PPP3CC: variants seen among roughly 807,000 people sequenced by gnomAD.
The protein encoded by PPP3CC is protein phosphatase 3 catalytic subunit gamma, also known as serine/threonine-protein phosphatase 2B catalytic subunit gamma isoform.
PPP3CC carries 35 observed loss-of-function variants against 60.3 expected under a neutral mutation model. The ratio of observed to expected loss-of-function variants is 0.58; its 90% CI spans 0.44 to 0.77. The LOEUF (loss-of-function observed/expected upper bound fraction) is 0.77, where lower values mean the gene tolerates loss of function less well. PPP3CC is among the 30% of genes least tolerant of loss of function. The probability of loss-of-function intolerance (pLI) is 0.00; values close to 1 mark genes in which losing one functional copy is unlikely to be tolerated. For missense variants in PPP3CC, 570 were observed against 628.9 expected (o/e 0.91, Z 1.00); for synonymous variants, 206 against 224.3 (o/e 0.92, Z 0.73).
chr8:22,537,815 T>C (rs1839876825), intron 12 of PPP3CC, among the ~76,000 whole-genome samples: 1 of 152,200 alleles, frequency 6.6e-6, no homozygotes. Context: ...ACATATTATA[T>C]GATGCCACTC....
chr8:22,486,666 GA>G (rs775758939), intron 3 of PPP3CC, among the ~76,000 whole-genome samples: 91 of 152,010 alleles, frequency 6.0e-4, no homozygotes, highest in Middle Eastern at 3.4e-3. Flanking sequence ...GTTTCTTGGT[GA>G]AGATGTTGAA....
chr8:22,474,939 A>G lies in PPP3CC; in HGVS notation c.50-15A>G, dbSNP rs1455710652. 1.4e-6 allele frequency: 2 copies of G among 1,433,276 alleles called. No individual in the cohort carries two copies. The highest frequency in any genetic ancestry group is 5.0e-5 in the East Asian group (2 of 40,376). 88.8% of individuals were successfully genotyped at this position (1,433,276 alleles called of 1,614,324 possible). ...CATTTAAATATTTTAAATTATTATT[A>G]TTATTTTTTTGTAGCTGTCCCCTTT... On this transcript the variant is annotated splice_polypyrimidine_tract_variant and intron_variant, in intron 1 of 13. Coordinates refer to ENST00000240139, the MANE Select transcript of PPP3CC (RefSeq NM_005605.5).
rs1358210307 is a variant in PPP3CC at position 22,475,643 on chromosome 8, A to G, written c.372+19A>G. The G allele has an allele frequency of 1.9e-6, 3 of 1,602,436 alleles. No individual in the cohort carries two copies. Among genetic ancestry groups the G allele is most frequent in the Admixed American group, 1.7e-5 (1 of 58,656 alleles). The stretch of plus-strand genomic sequence containing the variant: ...TATAGAGGTAAAAATTAAACTGGAT[A>G]TGTTGGGACTATTATATTGTCTTTC... On this transcript the variant is annotated intron_variant, in intron 3 of 13. Transcript: ENST00000240139.
chr8:22,506,778 A>G (rs773352781), intron 4 of PPP3CC, among the ~76,000 whole-genome samples: 3 of 151,714 alleles, frequency 2.0e-5, no homozygotes, highest in Non-Finnish European at 4.4e-5. Context: ...CGTCTCTACT[A>G]AAAATAAAAA....
chr8:22,503,937 A>C (rs1357290405), intron 4 of PPP3CC, among the ~76,000 whole-genome samples: 1 of 152,184 alleles, frequency 6.6e-6, no homozygotes, highest in African/African-American at 2.4e-5. Context: ...TTTTACTGAT[A>C]AGCTGATCTC....
At chr8:22,510,230 C>G (rs1839046979) in intron 4 of PPP3CC, among the ~76,000 whole-genome samples, 1 of 149,666 alleles carries the variant, frequency 6.7e-6, no homozygotes, top group Non-Finnish European at 1.5e-5. Flanking sequence ...CCAGGCTGGT[C>G]TCAAACTCCT....
intron 6 of PPP3CC, among the ~76,000 whole-genome samples, chr8:22,519,748 G>A (rs377597344): frequency 1.3e-3 from 204 of 152,208 alleles, no homozygotes; most frequent in African/African-American, 4.4e-3. Flanking sequence ...TCTGCCTCCC[G>A]GGTTCAAGTG....
intron 1 of PPP3CC, among the ~76,000 whole-genome samples, chr8:22,452,018 G>GTTT (rs1376787851): frequency 9.1e-5 from 8 of 88,272 alleles, no homozygotes; most frequent in African/African-American, 4.7e-4. Context: ...TGTGCATAAT[G>GTTT]GTTTTTTTTT....
intron 1 of PPP3CC, among the ~76,000 whole-genome samples, chr8:22,468,053 T>C (rs1251601825): frequency 6.6e-6 from 1 of 152,182 alleles, no homozygotes; most frequent in Non-Finnish European, 1.5e-5. Flanking sequence ...TTTTGGAACA[T>C]TCAAATCATA....
chr8:22,539,365 A>T, intron 12 of PPP3CC, 104 bp from the exon 13 acceptor site: 7 of 1,241,984 alleles, frequency 5.6e-6, no homozygotes, highest in Non-Finnish European at 8.0e-6. Flanking sequence ...GGGATAGGCT[A>T]AAAAACGGGC....
chr8:22,491,890 A>T (rs974702332), intron 3 of PPP3CC, among the ~76,000 whole-genome samples: 1 of 152,182 alleles, frequency 6.6e-6, no homozygotes, highest in African/African-American at 2.4e-5. Flanking sequence ...TATATTCTCT[A>T]CTTGTTGAGC....
chr8:22,532,825 C>A, intron 11 of PPP3CC, 96 bp from the exon 12 acceptor site: 1 of 772,014 alleles, frequency 1.3e-6, no homozygotes, highest in Non-Finnish European at 2.0e-6. Flanking sequence ...AACCTATCTT[C>A]CATCTCTGCT....
intron 4 of PPP3CC, among the ~76,000 whole-genome samples, chr8:22,499,007 C>T (rs1479779254): frequency 6.6e-6 from 1 of 151,906 alleles, no homozygotes; most frequent in Non-Finnish European, 1.5e-5. Context: ...GCCTGTAATC[C>T]CAGCTACTCA....
intron 4 of PPP3CC, 140 bp from the exon 5 acceptor site, chr8:22,510,946 T>C: frequency 1.1e-6 from 1 of 931,702 alleles, no homozygotes; most frequent in African/African-American, 1.7e-5. Context: ...TTTTCAAAAG[T>C]ATCTTTACAA....
intron 3 of PPP3CC, among the ~76,000 whole-genome samples, chr8:22,495,790 TTCAGGTGATCTGCCTGCC>T (rs1236740356): frequency 1.3e-5 from 2 of 152,046 alleles, no homozygotes; most frequent in African/African-American, 4.8e-5. Flanking sequence ...AGCTCCTGAC[TTCAGGTGATCTGCCTGCC>T]TCTGCCTCCC....
chr8:22,522,350 G>T, intron 6 of PPP3CC, 141 bp from the exon 7 acceptor site: 1 of 626,280 alleles, frequency 1.6e-6, no homozygotes, highest in Non-Finnish European at 2.8e-6. Context: ...TGAGTACTAA[G>T]CTATTCATAA....
chr8:22,509,490 G>T (rs955454229), intron 4 of PPP3CC, among the ~76,000 whole-genome samples: 1 of 152,126 alleles, frequency 6.6e-6, no homozygotes, highest in East Asian at 1.9e-4. Flanking sequence ...ACATCCCTGA[G>T]CACAGCTTGA....
chr8:22,508,960 C>T (rs1330302174), intron 4 of PPP3CC, among the ~76,000 whole-genome samples: 1 of 152,144 alleles, frequency 6.6e-6, no homozygotes. Flanking sequence ...ATAAAGTTAG[C>T]ATATGTTGTG....
At chr8:22,479,312 T>C (rs1837991443) in intron 3 of PPP3CC, among the ~76,000 whole-genome samples, 1 of 152,178 alleles carries the variant, frequency 6.6e-6, no homozygotes, top group Non-Finnish European at 1.5e-5. Flanking sequence ...TAATCACTGT[T>C]AATGTTTTAT....
Sources: gnomAD v4.1 joint callset for allele counts (sites outside exome capture counted in the v4.1 genomes callset) on GRCh38, gnomAD v4.1.1 for gene constraint, MANE v1.5 for transcripts, NCBI Gene and HGNC (gene_info 2026-07-23, HGNC 2026-07-21) for gene names.